Variants in OCA2 observed in about 807,000 individuals in gnomAD.
OCA2 encodes the protein P protein.
Under a neutral mutation model 100.2 loss-of-function variants are expected in OCA2, and 77 were observed. That is an observed-to-expected ratio of 0.77 (90% CI 0.64 to 0.93). The LOEUF (loss-of-function observed/expected upper bound fraction) is 0.93, where lower values mean the gene tolerates loss of function less well. Ranked by LOEUF, OCA2 falls within the 40% of genes least tolerant of loss-of-function variation. OCA2 has a pLI of 0.00. For missense variants in OCA2, 1,062 were observed against 1,089.1 expected, an observed-to-expected ratio of 0.98 and a Z score of 0.35; for synonymous variants, 432 against 439.2, an observed-to-expected ratio of 0.98 and a Z score of 0.21.
At chr15:27,808,456 G>A (rs1461867883) in intron 23 of OCA2, among the ~76,000 whole-genome samples, 5 of 152,204 alleles carry the variant, frequency 3.3e-5, no homozygotes, top group Non-Finnish European at 7.3e-5. Flanking sequence ...AAGAGAAACC[G>A]TCCAACCGTA....
At chr15:27,972,878 A>ATTTTATTTTT (rs1567177454) in intron 14 of OCA2, among the ~76,000 whole-genome samples, 1 of 36,544 alleles carries the variant, frequency 2.7e-5, no homozygotes, top group African/African-American at 5.5e-5. Context: ...ATTTTATTTT[A>ATTTTATTTTT]TTTTTGTGAC....
chr15:27,919,026 A>T (rs1185615151), intron 19 of OCA2, among the ~76,000 whole-genome samples: 1 of 152,238 alleles, frequency 6.6e-6, no homozygotes. Context: ...GAAAAAATTT[A>T]AAGAAATCCA....
chr15:27,874,359 G>A (rs570253331), intron 19 of OCA2, among the ~76,000 whole-genome samples: 3 of 152,132 alleles, frequency 2.0e-5, no homozygotes, highest in African/African-American at 7.2e-5. Flanking sequence ...AGGGTTGTAG[G>A]CTCCACTGTT....
chr15:27,768,633 T>C (rs1338690590), intron 23 of OCA2, among the ~76,000 whole-genome samples: 1 of 152,248 alleles, frequency 6.6e-6, no homozygotes, highest in East Asian at 1.9e-4. Flanking sequence ...TGCTCCTGGC[T>C]TGGCCAGCCT....
In OCA2 at chr15:28,081,720, G is replaced by C. The variant is rs200885801; in HGVS notation, c.155C>G (p.Pro52Arg). 2 of 1,613,722 alleles carry C rather than the reference G, an allele frequency of 1.2e-6. No individual in the cohort carries two copies. Among genetic ancestry groups the C allele is most frequent in the Non-Finnish European group, 1.7e-6 (2 of 1,179,922 alleles). The change falls in exon 2 of 24, where the codon CCC becomes CGC. Residue 52 changes from proline (P) to arginine (R), a missense_variant. Coordinates refer to ENST00000354638, the MANE Select transcript of OCA2 (RefSeq NM_000275.3). ...AGAGCTCTGCCCGGCAGCCCCCCTGGGGCAGGAGTGCGAGGGGTCAGCTCC... is the reference window on the plus strand; with the variant it reads ...AGAGCTCTGCCCGGCAGCCCCCCTGCGGCAGGAGTGCGAGGGGTCAGCTCC... The part of the protein sequence containing the change: ...AGGADPSHSC[P>R]RGAAGQSSWA...
At chr15:27,762,747 AC>A (rs1239466698) in intron 23 of OCA2, among the ~76,000 whole-genome samples, 1 of 152,128 alleles carries the variant, frequency 6.6e-6, no homozygotes, top group Non-Finnish European at 1.5e-5. Flanking sequence ...CTTATGCCCA[AC>A]CTTTCTGGGC....
chr15:27,893,641 G>A (rs1156396738), intron 19 of OCA2, among the ~76,000 whole-genome samples: 1 of 152,128 alleles, frequency 6.6e-6, no homozygotes, highest in Non-Finnish European at 1.5e-5. Flanking sequence ...GTTGAGATAA[G>A]GACTGAGATA....
the OCA2 span, among the ~76,000 whole-genome samples, chr15:27,741,459 C>T: frequency 6.6e-6 from 1 of 152,120 alleles, no homozygotes; most frequent in Non-Finnish European, 1.5e-5. Flanking sequence ...GAGCCGGTGT[C>T]GTGACCCCAC....
Position 28,022,491 on chromosome 15 carries a change from T to C in OCA2, c.646+10A>G. The C allele has an allele frequency of 6.2e-7, 1 of 1,605,732 alleles. No individual in the cohort carries two copies. The highest frequency in any genetic ancestry group is 8.5e-7 in the Non-Finnish European group (1 of 1,172,312). On this transcript the variant is annotated intron_variant, in intron 6 of 23. Coordinates refer to ENST00000354638, the MANE Select transcript of OCA2 (RefSeq NM_000275.3). Reference sequence around the variant, plus strand: ...AGGCGGCTGGCCATCTCAGAGTGGATTTTGGATACAGTAGTTCTCCAGCGG... The same window carrying C: ...AGGCGGCTGGCCATCTCAGAGTGGACTTTGGATACAGTAGTTCTCCAGCGG...
intron 2 of OCA2, among the ~76,000 whole-genome samples, chr15:28,078,219 A>C (rs1180737642): frequency 2.0e-5 from 3 of 152,342 alleles, no homozygotes; most frequent in Non-Finnish European, 4.4e-5. Flanking sequence ...AGGACTCCAG[A>C]CTTCCCTTCA....
At chr15:28,069,233 T>A (rs1301863785) in intron 2 of OCA2, among the ~76,000 whole-genome samples, 1 of 151,876 alleles carries the variant, frequency 6.6e-6, no homozygotes, top group Non-Finnish European at 1.5e-5. Flanking sequence ...TAGTAAAATT[T>A]CAAGATACAA....
intron 23 of OCA2, among the ~76,000 whole-genome samples, chr15:27,777,419 G>A (rs1358029023): frequency 6.6e-6 from 1 of 152,166 alleles, no homozygotes; most frequent in Non-Finnish European, 1.5e-5. Flanking sequence ...TAATTTTACA[G>A]TGAGAATGCA....
chr15:27,788,375 T>C (rs2032919978), intron 23 of OCA2, among the ~76,000 whole-genome samples: 1 of 152,124 alleles, frequency 6.6e-6, no homozygotes, highest in Non-Finnish European at 1.5e-5. Flanking sequence ...ATTTTGTTCT[T>C]AGGTATATGT....
At chr15:27,923,980 T>G (rs1487444858) in intron 19 of OCA2, among the ~76,000 whole-genome samples, 1 of 152,186 alleles carries the variant, frequency 6.6e-6, no homozygotes, top group Admixed American at 6.5e-5. Context: ...TTCCAGGGTT[T>G]TATAGTTTGG....
intron 2 of OCA2, among the ~76,000 whole-genome samples, chr15:28,036,576 T>C (rs1381487479): frequency 1.3e-5 from 2 of 152,174 alleles, no homozygotes; most frequent in East Asian, 3.9e-4. Flanking sequence ...TGGAAACAGT[T>C]TCTTGCCCAT....
At chr15:27,778,677 C>T (rs1338311340) in intron 23 of OCA2, among the ~76,000 whole-genome samples, 3 of 152,144 alleles carry the variant, frequency 2.0e-5, no homozygotes, top group South Asian at 2.1e-4. Flanking sequence ...CCAGGGCCCT[C>T]GTCCTTCCCA....
intron 15 of OCA2, among the ~76,000 whole-genome samples, chr15:27,959,078 A>G (rs543074221): frequency 4.6e-4 from 70 of 152,332 alleles, no homozygotes; most frequent in African/African-American, 1.7e-3. Context: ...CTGGAAACGA[A>G]GCATGTCATG....
chr15:28,017,294 C>T (rs1271315220), intron 7 of OCA2, among the ~76,000 whole-genome samples: 1 of 152,124 alleles, frequency 6.6e-6, no homozygotes, highest in Non-Finnish European at 1.5e-5. Flanking sequence ...TGCCTGTGGG[C>T]ATTTTGGGTG....
intron 2 of OCA2, among the ~76,000 whole-genome samples, chr15:28,069,691 C>T (rs1402888598): frequency 0.061 from 8,780 of 144,384 alleles, 874 homozygotes; most frequent in African/African-American, 0.21. Flanking sequence ...GACGGAGTCT[C>T]GTTCACTCAG....
Sources: gnomAD v4.1 joint callset for allele counts (sites outside exome capture counted in the v4.1 genomes callset) on GRCh38, gnomAD v4.1.1 for gene constraint, MANE v1.5 for transcripts, NCBI Gene and HGNC (gene_info 2026-07-23, HGNC 2026-07-21) for gene names.